ZNF324B: variants seen among roughly 807,000 people sequenced by gnomAD.
ZNF324B encodes the protein zinc finger protein 324B.
Under a neutral mutation model 10.6 loss-of-function variants are expected in ZNF324B, and 7 were observed. That is an observed-to-expected ratio of 0.66 (90% CI 0.38 to 1.24). ZNF324B has a LOEUF of 1.24. Ranked by LOEUF, ZNF324B falls within the 50% of genes most tolerant of loss-of-function variation. ZNF324B has a pLI of 0.02. For missense variants in ZNF324B, 640 were observed against 764.7 expected (o/e 0.84, Z 1.92); for synonymous variants, 316 against 321.0 (o/e 0.98, Z 0.17).
the ZNF324B span, among the ~76,000 whole-genome samples, chr19:58,427,654 C>CTTT: frequency 1.4e-5 from 2 of 145,600 alleles, no homozygotes; most frequent in African/African-American, 5.1e-5. Flanking sequence ...CGCGCCCAGC[C>CTTT]TTTTTTTTTT....
chr19:58,419,718 C>G, the ZNF324B span, among the ~76,000 whole-genome samples: 18 of 152,308 alleles, frequency 1.2e-4, no homozygotes, highest in Non-Finnish European at 1.6e-4. Context: ...ATGCTGTGGC[C>G]TTTGCAGTTG....
In ZNF324B at chr19:58,451,648, C is replaced by T. The variant is rs746949103; in HGVS notation, c.-63C>T. Reference sequence around the variant, plus strand: ...TCACTTGGCTGCTCGCGTCAGGCCACACCGGTGGTCTGGGCTGTGGCGCGC... The same window carrying T: ...TCACTTGGCTGCTCGCGTCAGGCCATACCGGTGGTCTGGGCTGTGGCGCGC... On this transcript the variant is annotated 5_prime_UTR_variant, in exon 1 of 4. Transcript: ENST00000336614. 5.8e-6 allele frequency: 3 copies of T among 516,206 alleles called. No individual in the cohort carries two copies. The highest frequency in any genetic ancestry group is 3.9e-5 in the African/African-American group (2 of 51,484). The allele number at this position is 516,206 out of a possible 1,614,324, so 32.0% of individuals were successfully genotyped here. A position where few individuals can be genotyped will look rare whatever the true frequency, so the allele number is the denominator to read the frequency against.
chr19:58,434,873 G>T, the ZNF324B span: 77 of 1,614,038 alleles, frequency 4.8e-5, 1 homozygote, highest in African/African-American at 9.9e-4. Flanking sequence ...CAAGTGAAGG[G>T]GTTCTCTGAC....
the ZNF324B span, among the ~76,000 whole-genome samples, chr19:58,420,262 C>A: frequency 1.3e-5 from 2 of 151,858 alleles, no homozygotes; most frequent in African/African-American, 4.8e-5. Context: ...ACTAAAAATA[C>A]AAAAAAATTA....
the ZNF324B span, chr19:58,432,306 CTG>C: frequency 1.9e-6 from 1 of 518,214 alleles, no homozygotes; most frequent in African/African-American, 1.9e-5. Flanking sequence ...TCTGCTTTAA[CTG>C]TGGCAAAAAC....
At chr19:58,434,033 T>G in the ZNF324B span, 1 of 1,614,190 alleles carries the variant, frequency 6.2e-7, no homozygotes, top group South Asian at 1.1e-5. Flanking sequence ...AGATGGGAGC[T>G]TTGGCTGAAG....
chr19:58,454,146 C>T lies in ZNF324B; in HGVS notation c.122-82C>T. On this transcript the variant is annotated intron_variant, in intron 2 of 3. Coordinates refer to ENST00000336614, the MANE Select transcript of ZNF324B (RefSeq NM_207395.3). ...AGTTGCACAGATTACTGTCTATTTC[C>T]ATGAAGCCCTGACTCCTGCTCTCTG... The T allele has an allele frequency of 2.2e-6, 2 of 915,136 alleles. 1 individual carries two copies. Among genetic ancestry groups the T allele is most frequent in the South Asian group, 2.8e-5 (2 of 71,046 alleles). The allele number at this position is 915,136 out of a possible 1,614,324, so 56.7% of individuals were successfully genotyped here.
chr19:58,449,696 C>T (rs1819693649), upstream of ZNF324B, among the ~76,000 whole-genome samples: 1 of 152,158 alleles, frequency 6.6e-6, no homozygotes, highest in Non-Finnish European at 1.5e-5. Context: ...GGGCCTTTAG[C>T]CCCTTTCTTT....
chr19:58,427,485 CCTTCCTTCCTTTCTTT>C, the ZNF324B span, among the ~76,000 whole-genome samples: 1 of 113,746 alleles, frequency 8.8e-6, no homozygotes, highest in African/African-American at 3.9e-5. Context: ...TTCCTTCCTT[CCTTCCTTCCTTTCTTT>C]CTTTTTCTTT....
chr19:58,434,627 A>G, the ZNF324B span: 2 of 1,614,236 alleles, frequency 1.2e-6, no homozygotes, highest in South Asian at 2.2e-5. Context: ...TTCTCCTCTA[A>G]GAAATTTCCA....
At chr19:58,446,516 T>C in the ZNF324B span, among the ~76,000 whole-genome samples, 1 of 151,854 alleles carries the variant, frequency 6.6e-6, no homozygotes, top group Non-Finnish European at 1.5e-5. Context: ...CATGATGGGG[T>C]TTGACATGGA....
At position 58,455,584 on chromosome 19, in the gene ZNF324B, A is replaced by T; in HGVS notation, c.640A>T (p.Lys214Ter). 1 of 1,614,054 alleles carries T rather than the reference A, an allele frequency of 6.2e-7. No homozygotes were observed. The highest frequency in any genetic ancestry group is 1.1e-5 in the South Asian group (1 of 91,086). The change falls in exon 4 of 4, where the codon AAG becomes TAG. Residue 214 changes from lysine to a stop codon, truncating the protein, a stop_gained. Transcript: ENST00000336614. LOFTEE classifies it low-confidence loss of function (END_TRUNC). This position sits in a 1 kb window ranked among gnomAD's most constrained non-coding sequence, Gnocchi z 7.0. ...GRAFGNASDLKAASGGRDRRM... is the reference protein window; with the variant it reads ...GRAFGNASDL ...AGCCTTCGGGAATGCCTCGGACCTGAAGGCCGCCAGTGGTGGCAGGGATCG... is the reference window on the plus strand; with the variant it reads ...AGCCTTCGGGAATGCCTCGGACCTGTAGGCCGCCAGTGGTGGCAGGGATCG...
chr19:58,443,566 C>G, the ZNF324B span: 1 of 152,346 alleles, frequency 6.6e-6, no homozygotes, highest in Non-Finnish European at 1.5e-5. Flanking sequence ...ATGGCGGTGC[C>G]GGAAATCTCA....
chr19:58,435,355 G>C, the ZNF324B span: 4 of 903,980 alleles, frequency 4.4e-6, no homozygotes, highest in Non-Finnish European at 6.5e-6. Context: ...TCAGGGTGAA[G>C]AAGGGCCCAT....
At chr19:58,427,349 CCTTTCTTTCTTTCTTTCTTTCTTT>C in the ZNF324B span, among the ~76,000 whole-genome samples, 1 of 55,960 alleles carries the variant, frequency 1.8e-5, no homozygotes, top group East Asian at 8.7e-4. Context: ...CTTTCTCTTT[CCTTTCTTTCTTTCTTTCTTTCTTT>C]CTTTCTTTCT....
At chr19:58,437,188 C>T in the ZNF324B span, 1 of 1,608,766 alleles carries the variant, frequency 6.2e-7, no homozygotes, top group Admixed American at 1.7e-5. Flanking sequence ...AATGTGGGGA[C>T]AGCTGAGCCA....
chr19:58,455,791 C>A lies in ZNF324B; in HGVS notation c.847C>A (p.Arg283=). Reference sequence around the variant, plus strand: ...GCACCTACGCACCCACACCGGGGAGCGGCCCTACGAGTGCACCCAGTGCGG... The same window carrying A: ...GCACCTACGCACCCACACCGGGGAGAGGCCCTACGAGTGCACCCAGTGCGG... ...LKHLRTHTGE[R]PYECTQCGKA... is the part of the protein sequence containing the mutation. Residue 283 remains arginine (R), a synonymous_variant, in exon 4 of 4, where the codon CGG becomes AGG. Transcript: ENST00000336614. The surrounding 1 kb of genome is among the most constrained non-coding windows in gnomAD (Gnocchi z 7.0). The A allele has an allele frequency of 3.1e-6, 5 of 1,614,118 alleles. No homozygotes were observed. Among genetic ancestry groups the A allele is most frequent in the Non-Finnish European group, 4.2e-6 (5 of 1,180,012 alleles).
the ZNF324B span, chr19:58,435,111 C>T: frequency 6.2e-6 from 10 of 1,614,188 alleles, no homozygotes; most frequent in African/African-American, 1.1e-4. Context: ...AGTTAGCTTT[C>T]TTGGTGGAAG....
At chr19:58,434,093 T>C in the ZNF324B span, 2 of 1,614,114 alleles carry the variant, frequency 1.2e-6, no homozygotes, top group Non-Finnish European at 1.7e-6. Flanking sequence ...GTGTGAACTT[T>C]CTGGTGCTGA....
Sources: allele counts gnomAD v4.1 joint callset (sites outside exome capture counted in the v4.1 genomes callset), GRCh38; gene constraint gnomAD v4.1.1; non-coding constraint Gnocchi (gnomAD v3.1); transcripts MANE v1.5; gene names NCBI Gene and HGNC (gene_info 2026-07-23, HGNC 2026-07-21).